The following ARHGAP10 variants were observed in gnomAD, a reference collection of about 807,000 sequenced individuals.
ARHGAP10 encodes the protein Rho GTPase activating protein 10, also known as rho GTPase-activating protein 10.
Under a neutral mutation model 108.6 loss-of-function variants are expected in ARHGAP10, and 87 were observed. The observed-to-expected ratio is 0.80, with a 90% confidence interval of 0.67 to 0.96. The LOEUF is 0.96. Among genes scored for constraint, ARHGAP10 ranks in the 40% least tolerant of loss-of-function variants. ARHGAP10 has a pLI of 0.00. For synonymous variants in ARHGAP10, 347 were observed against 341.1 expected (o/e 1.02, Z -0.19); for missense variants, 939 against 954.5 (o/e 0.98, Z 0.21).
At chr4:147,970,040 G>A (rs972441679) in intron 18 of ARHGAP10, among the ~76,000 whole-genome samples, 1 of 152,120 alleles carries the variant, frequency 6.6e-6, no homozygotes, top group Non-Finnish European at 1.5e-5. Context: ...ACAGTTCTGA[G>A]AACCTAAATT....
At chr4:147,931,812 A>G (rs966611290) in intron 13 of ARHGAP10, among the ~76,000 whole-genome samples, 1 of 152,246 alleles carries the variant, frequency 6.6e-6, no homozygotes. Context: ...CAACAAAAGC[A>G]AAAATTGACA....
intron 18 of ARHGAP10, among the ~76,000 whole-genome samples, chr4:147,981,319 AG>A (rs1297585975): frequency 6.6e-6 from 1 of 152,248 alleles, no homozygotes; most frequent in African/African-American, 2.4e-5. Context: ...TTTACCCAAA[AG>A]TCATTCAGGA....
At chr4:148,035,627 C>A (rs1205481703) in intron 19 of ARHGAP10, among the ~76,000 whole-genome samples, 1 of 152,080 alleles carries the variant, frequency 6.6e-6, no homozygotes, top group East Asian at 1.9e-4. Flanking sequence ...TGCCCCTTAC[C>A]CTGGATGGCA....
intron 1 of ARHGAP10, among the ~76,000 whole-genome samples, chr4:147,746,098 T>C (rs1445935201): frequency 6.6e-6 from 1 of 150,962 alleles, no homozygotes; most frequent in South Asian, 2.1e-4. Flanking sequence ...ACAAAGTGCT[T>C]CTTATTTATT....
intron 1 of ARHGAP10, among the ~76,000 whole-genome samples, chr4:147,809,780 G>A (rs888078851): frequency 2.0e-5 from 3 of 152,148 alleles, no homozygotes; most frequent in Non-Finnish European, 4.4e-5. Context: ...ATTCTCATAA[G>A]GAGTGTGCAA....
chr4:147,811,873 C>T (rs1319999416), intron 1 of ARHGAP10, among the ~76,000 whole-genome samples: 1 of 152,170 alleles, frequency 6.6e-6, no homozygotes. Flanking sequence ...AAATGTACCC[C>T]TTAGCTTTTG....
At chr4:147,918,592 G>A (rs945367136) in intron 13 of ARHGAP10, among the ~76,000 whole-genome samples, 2 of 152,146 alleles carry the variant, frequency 1.3e-5, no homozygotes, top group African/African-American at 4.8e-5. Context: ...GGGTCACATT[G>A]TCTTTCTGTT....
At chr4:147,750,477 A>G (rs1729094406) in intron 1 of ARHGAP10, among the ~76,000 whole-genome samples, 1 of 152,208 alleles carries the variant, frequency 6.6e-6, no homozygotes, top group Non-Finnish European at 1.5e-5. Context: ...ATATAACTAA[A>G]TTAAGAGGGA....
At chr4:147,936,317 CTTTTTTTTTTTT>C (rs765432394) in intron 13 of ARHGAP10, among the ~76,000 whole-genome samples, 4 of 97,852 alleles carry the variant, frequency 4.1e-5, no homozygotes, top group South Asian at 4.0e-4. Context: ...CTTTTCCTCT[CTTTTTTTTTTTT>C]TTTTTTTTTT....
chr4:147,839,130 A>ATCTGTCTGTCTG (rs1421305286), intron 3 of ARHGAP10, among the ~76,000 whole-genome samples: 6 of 147,886 alleles, frequency 4.1e-5, no homozygotes, highest in African/African-American at 1.3e-4. Flanking sequence ...CTATCTATCT[A>ATCTGTCTGTCTG]TCTATCTATC....
intron 1 of ARHGAP10, among the ~76,000 whole-genome samples, chr4:147,793,238 A>G (rs116540575): frequency 0.013 from 1,944 of 150,542 alleles, 27 homozygotes; most frequent in South Asian, 0.037. Context: ...GTGTGTGTAT[A>G]TATATGTATG....
chr4:147,971,442 C>G (rs1286526117), intron 18 of ARHGAP10, among the ~76,000 whole-genome samples: 3 of 151,986 alleles, frequency 2.0e-5, no homozygotes, highest in African/African-American at 4.8e-5. Flanking sequence ...GAGAGAGAGA[C>G]AGAGAGAGAA....
intron 7 of ARHGAP10, among the ~76,000 whole-genome samples, chr4:147,873,140 T>C (rs1265640131): frequency 6.6e-6 from 1 of 152,150 alleles, no homozygotes; most frequent in East Asian, 1.9e-4. Flanking sequence ...TTAAATACCC[T>C]CCACTAAAAA....
chr4:147,769,744 G>A (rs897814422), intron 1 of ARHGAP10, among the ~76,000 whole-genome samples: 7 of 152,054 alleles, frequency 4.6e-5, no homozygotes, highest in African/African-American at 7.2e-5. Flanking sequence ...ATAATGACCC[G>A]TTTCCTGAAC....
At chr4:147,809,916 G>C (rs536684134) in intron 1 of ARHGAP10, among the ~76,000 whole-genome samples, 1 of 152,098 alleles carries the variant, frequency 6.6e-6, no homozygotes, top group African/African-American at 2.4e-5. Context: ...TTAGGATAAC[G>C]CTTTTCCAAA....
intron 15 of ARHGAP10, among the ~76,000 whole-genome samples, chr4:147,948,370 C>T (rs1208338777): frequency 6.6e-6 from 1 of 152,002 alleles, no homozygotes; most frequent in Admixed American, 6.5e-5. Context: ...GCATTCAGTC[C>T]ATGTTCAATT....
intron 3 of ARHGAP10, among the ~76,000 whole-genome samples, chr4:147,830,780 A>G (rs1048789425): frequency 6.6e-6 from 1 of 152,220 alleles, no homozygotes; most frequent in Admixed American, 6.5e-5. Flanking sequence ...TTGGTCTGCC[A>G]AAGTGTTGGG....
intron 13 of ARHGAP10, among the ~76,000 whole-genome samples, chr4:147,925,043 A>T (rs1002352890): frequency 1.3e-5 from 2 of 152,082 alleles, no homozygotes; most frequent in Non-Finnish European, 2.9e-5. Flanking sequence ...TGTTAATTTT[A>T]TATGGCTCTT....
chr4:147,825,426 G>A (rs957714156), intron 3 of ARHGAP10, among the ~76,000 whole-genome samples: 4 of 151,048 alleles, frequency 2.6e-5, no homozygotes, highest in African/African-American at 9.8e-5. Context: ...CAGCCTGGGC[G>A]ACAGAGCGAG....
Sources: gnomAD v4.1 joint callset for allele counts (sites outside exome capture counted in the v4.1 genomes callset) on GRCh38, gnomAD v4.1.1 for gene constraint, MANE v1.5 for transcripts, NCBI Gene and HGNC (gene_info 2026-07-23, HGNC 2026-07-21) for gene names.